MAGI2: variants seen among roughly 807,000 people sequenced by gnomAD.
The protein encoded by MAGI2 is membrane associated guanylate kinase, WW and PDZ domain containing 2.
A neutral mutation model predicts 133.3 loss-of-function variants in MAGI2; 35 were observed. That is an observed-to-expected ratio of 0.26 (90% CI 0.20 to 0.35). The LOEUF (loss-of-function observed/expected upper bound fraction) is 0.35, where lower values mean the gene tolerates loss of function less well. Ranked by LOEUF, MAGI2 falls within the 10% of genes least tolerant of loss-of-function variation. The pLI, the probability that MAGI2 is intolerant of heterozygous loss-of-function variation, is 1.00. For missense variants in MAGI2, 1,636 were observed against 1,863.4 expected (o/e 0.88, Z 2.25); for synonymous variants, 729 against 710.6 (o/e 1.03, Z -0.41).
intron 2 of MAGI2, among the ~76,000 whole-genome samples, chr7:78,652,488 C>A (rs1811687588): frequency 6.6e-6 from 1 of 152,180 alleles, no homozygotes; most frequent in Admixed American, 6.5e-5. Context: ...CTAAAACCAT[C>A]TGATCCTTGA....
At chr7:78,208,403 G>T (rs1344298003) in intron 10 of MAGI2, among the ~76,000 whole-genome samples, 1 of 152,054 alleles carries the variant, frequency 6.6e-6, no homozygotes, top group East Asian at 1.9e-4. Context: ...TCAAAATAAT[G>T]CAGGCAAGGT....
chr7:78,812,026 G>A (rs1231263570), intron 2 of MAGI2, among the ~76,000 whole-genome samples: 2 of 152,138 alleles, frequency 1.3e-5, no homozygotes, highest in Admixed American at 6.5e-5. Flanking sequence ...GCAGGGATGA[G>A]GAAATGTAAC....
intron 2 of MAGI2, among the ~76,000 whole-genome samples, chr7:78,762,650 T>C (rs956490905): frequency 2.0e-5 from 3 of 152,340 alleles, no homozygotes; most frequent in African/African-American, 7.2e-5. Flanking sequence ...CATAGGAAGA[T>C]AGTCAAGAAA....
At chr7:79,347,066 C>T (rs1841376110) in intron 1 of MAGI2, among the ~76,000 whole-genome samples, 1 of 151,836 alleles carries the variant, frequency 6.6e-6, no homozygotes, top group Non-Finnish European at 1.5e-5. Flanking sequence ...TGCAACAATC[C>T]TCACCTTTTT....
chr7:78,800,336 C>A (rs965602535), intron 2 of MAGI2, among the ~76,000 whole-genome samples: 5 of 152,036 alleles, frequency 3.3e-5, no homozygotes, highest in Non-Finnish European at 5.9e-5. Flanking sequence ...GAATTGTGAT[C>A]CACATAGTCA....
chr7:78,547,167 A>ACTTC (rs1305026419), intron 3 of MAGI2, among the ~76,000 whole-genome samples: 1 of 152,176 alleles, frequency 6.6e-6, no homozygotes, highest in Non-Finnish European at 1.5e-5. Context: ...ACAACACCAA[A>ACTTC]CTTCCAGATA....
At chr7:78,384,346 A>G (rs536437088) in intron 6 of MAGI2, among the ~76,000 whole-genome samples, 159 of 152,312 alleles carry the variant, frequency 1.0e-3, no homozygotes, top group Admixed American at 2.4e-3. Flanking sequence ...TGGATCAGAT[A>G]GTTTCAGGCA....
chr7:78,139,212 A>G (rs909720007), intron 16 of MAGI2, among the ~76,000 whole-genome samples: 4 of 152,212 alleles, frequency 2.6e-5, no homozygotes, highest in African/African-American at 9.6e-5. Flanking sequence ...CAGTAATTGA[A>G]AGTACCTGAC....
chr7:79,182,567 A>ACT (rs1826715540), intron 1 of MAGI2, among the ~76,000 whole-genome samples: 1 of 151,874 alleles, frequency 6.6e-6, no homozygotes, highest in African/African-American at 2.4e-5. Context: ...AGAAAATTGG[A>ACT]CTCTTATACA....
At chr7:78,761,870 G>A (rs1005002095) in intron 2 of MAGI2, among the ~76,000 whole-genome samples, 2 of 151,948 alleles carry the variant, frequency 1.3e-5, no homozygotes, top group Non-Finnish European at 2.9e-5. Flanking sequence ...GAAGCTCCAG[G>A]CAAAGATAAG....
chr7:78,501,642 T>C lies in MAGI2; in HGVS notation c.900A>G (p.Glu300=), dbSNP rs111635934. ...CCCAGTTATCAGGCAATGGGTCTGGTTCCTCATTGTCTTCAGGTTTAGTTG... is the reference window on the plus strand; with the variant it reads ...CCCAGTTATCAGGCAATGGGTCTGGCTCCTCATTGTCTTCAGGTTTAGTTG... The part of the protein sequence containing the change: ...TKPTKPEDNE[E]PDPLPDNWEM... Residue 300 remains glutamate (E), a synonymous_variant, in exon 5 of 22, where the codon GAA becomes GAG. Transcript: ENST00000354212. The C allele has an allele frequency of 4.1e-4, 659 of 1,614,192 alleles. 10 individuals carry two copies. The African/African-American group carries it at 7.4e-3, about 18-fold the overall frequency.
chr7:79,119,481 T>TA (rs1473205211), intron 1 of MAGI2, among the ~76,000 whole-genome samples: 1 of 152,042 alleles, frequency 6.6e-6, no homozygotes, highest in African/African-American at 2.4e-5. Flanking sequence ...CAATCCAAGC[T>TA]AAAAAACTGA....
rs1269867195 is a variant in MAGI2 at position 79,198,326 on chromosome 7, G to T, written c.302-191120C>A. Among the ~76,000 whole-genome samples the T allele has an allele frequency of 1.3e-5, 2 of 151,738 alleles. 1 individual carries two copies. The highest frequency in any genetic ancestry group is 4.9e-5 in the African/African-American group (2 of 41,162). ...TTGAAAAGCACATTAGTACAGTGCT[G>T]CCATTTGCACAGGTTCCCTCTCCTG... On this transcript the variant is annotated intron_variant, in intron 1 of 21. Transcript: ENST00000354212.
intron 2 of MAGI2, among the ~76,000 whole-genome samples, chr7:78,893,183 C>A (rs1164541103): frequency 6.6e-6 from 1 of 152,008 alleles, no homozygotes; most frequent in African/African-American, 2.4e-5. Flanking sequence ...CAAGGAGATA[C>A]CATCTCACAC....
At chr7:78,145,197 C>T (rs1403420067) in intron 16 of MAGI2, among the ~76,000 whole-genome samples, 1 of 152,168 alleles carries the variant, frequency 6.6e-6, no homozygotes, top group African/African-American at 2.4e-5. Flanking sequence ...CAGAAACTTA[C>T]AGGCACTGCT....
rs564661624 is a variant in MAGI2, at chr7:78,019,969, G to C, written c.3714C>G (p.Pro1238=). The C allele has an allele frequency of 2.5e-6, 4 of 1,604,992 alleles. No homozygotes were observed. Among genetic ancestry groups the C allele is most frequent in the East Asian group, 2.3e-5 (1 of 44,396 alleles). ...CGGCAGCGGGAGAACTCCAGGGGGCGGGTTCGTCTGTGGACGGGAAGCACA... is the reference window on the plus strand; with the variant it reads ...CGGCAGCGGGAGAACTCCAGGGGGCCGGTTCGTCTGTGGACGGGAAGCACA... ...GTGQVPEYDE[P]APWSSPAAAA... is the part of the protein sequence containing the mutation. The change falls in exon 22 of 22, where the codon CCC becomes CCG. Residue 1238 remains proline (P), a synonymous_variant. Coordinates refer to ENST00000354212, the MANE Select transcript of MAGI2 (RefSeq NM_012301.4).
At chr7:78,904,354 T>G (rs2151599785) in intron 2 of MAGI2, among the ~76,000 whole-genome samples, 1 of 152,238 alleles carries the variant, frequency 6.6e-6, no homozygotes, top group East Asian at 1.9e-4. Context: ...ATACTAGTGG[T>G]CCTGAAGAAT....
intron 10 of MAGI2, chr7:78,254,328 C>T (rs1401767646): frequency 1.3e-5 from 2 of 152,164 alleles, no homozygotes; most frequent in Non-Finnish European, 2.9e-5. Context: ...ACAGTGGATA[C>T]TGCACAGTGA....
At chr7:79,328,522 T>C (rs2129088055) in intron 1 of MAGI2, among the ~76,000 whole-genome samples, 2 of 152,224 alleles carry the variant, frequency 1.3e-5, no homozygotes, top group South Asian at 4.1e-4. Context: ...AAATATGCAA[T>C]AAAATTGAAG....
Sources: allele counts gnomAD v4.1 joint callset (sites outside exome capture counted in the v4.1 genomes callset), GRCh38; gene constraint gnomAD v4.1.1; transcripts MANE v1.5; gene names NCBI Gene and HGNC (gene_info 2026-07-23, HGNC 2026-07-21).